PREX2: variants seen among roughly 807,000 people sequenced by gnomAD.
The protein encoded by PREX2 is phosphatidylinositol 3,4,5-trisphosphate-dependent Rac exchanger 2 protein.
PREX2 carries 107 observed loss-of-function variants against 203.2 expected under a neutral mutation model. That is an observed-to-expected ratio of 0.53 (90% confidence interval 0.45 to 0.62). The LOEUF is 0.62. Among genes scored for constraint, PREX2 ranks in the 20% least tolerant of loss-of-function variants. PREX2 has a pLI of 0.00. For synonymous variants in PREX2, 672 were observed against 663.6 expected, an observed-to-expected ratio of 1.01 and a Z score of -0.19; for missense variants, 1,777 against 1,955.9, an observed-to-expected ratio of 0.91 and a Z score of 1.72.
rs1806777478 is a variant in PREX2, at chr8:67,996,710, C to T, written c.142-21136C>T. ...TCATTTTATCTTAAAAAATATTTGCCTCTCCCAAGATCATGATATAATTTT... is the reference window on the plus strand; with the variant it reads ...TCATTTTATCTTAAAAAATATTTGCTTCTCCCAAGATCATGATATAATTTT... On this transcript the variant is annotated intron_variant, in intron 1 of 39. Coordinates refer to ENST00000288368, the MANE Select transcript of PREX2 (RefSeq NM_024870.4). Among the ~76,000 whole-genome samples the T allele has an allele frequency of 3.3e-5, 5 of 152,156 alleles. No homozygotes were observed. In the South Asian group the frequency reaches 8.3e-4, roughly 25 times the overall value.
chr8:68,204,877 T>TA (rs1812584356), intron 37 of PREX2, among the ~76,000 whole-genome samples: 1 of 151,676 alleles, frequency 6.6e-6, no homozygotes, highest in South Asian at 2.1e-4. Flanking sequence ...GAGACGGGGT[T>TA]TCACCGTGTT....
rs10581964 is a variant in PREX2, at chr8:68,231,477, CTT to C, written c.*116_*117del. 0.26 allele frequency: 119,303 copies of C among 466,458 alleles called. 6,660 individuals carry two copies. The highest frequency in any genetic ancestry group is 0.37 in the Admixed American group (7,648 of 20,932). The allele number at this position is 466,458 out of a possible 1,614,324, so 28.9% of individuals were successfully genotyped here. On this transcript the variant is annotated 3_prime_UTR_variant, in exon 40 of 40. Transcript: ENST00000288368. ...ATTCTCCACTGAAGATACATCAATG[CTT>C]TTTTTTTTTTTTTTTTCTGTAAATC...
chr8:68,017,772 G>C, intron 1 of PREX2, 74 bp from the exon 2 acceptor site: 2 of 1,271,018 alleles, frequency 1.6e-6, no homozygotes, highest in African/African-American at 3.0e-5. Flanking sequence ...AAAGAAATTA[G>C]TTTAATTCTA....
chr8:68,216,986 T>TGA (rs957650026), intron 37 of PREX2, among the ~76,000 whole-genome samples: 11 of 127,154 alleles, frequency 8.7e-5, no homozygotes, highest in South Asian at 2.7e-4. Flanking sequence ...AAAAAAAAAA[T>TGA]GAGAGAGAGA....
intron 1 of PREX2, 149 bp downstream of exon 1, chr8:67,952,684 T>C (rs552876252): frequency 4.5e-6 from 5 of 1,115,768 alleles, no homozygotes; most frequent in Admixed American, 4.3e-5. Flanking sequence ...GTGTGGACTC[T>C]GCGTTCGCGG....
intron 1 of PREX2, among the ~76,000 whole-genome samples, chr8:67,994,614 C>T (rs1205206317): frequency 6.6e-6 from 1 of 152,100 alleles, no homozygotes; most frequent in Non-Finnish European, 1.5e-5. Flanking sequence ...AAGTTATATC[C>T]TAAGAATTAA....
intron 1 of PREX2, among the ~76,000 whole-genome samples, chr8:67,954,908 C>G (rs936191110): frequency 1.8e-4 from 28 of 151,784 alleles, no homozygotes; most frequent in Admixed American, 1.8e-3. Flanking sequence ...TTTTGGGGGC[C>G]GAGGCGGGTG....
chr8:68,109,698 C>T (rs1313755629), intron 25 of PREX2, 75 bp downstream of exon 25: 2 of 1,216,676 alleles, frequency 1.6e-6, no homozygotes, highest in Non-Finnish European at 1.2e-6. Context: ...AAAATTCAAT[C>T]ATTCTCTCTT....
intron 32 of PREX2, among the ~76,000 whole-genome samples, chr8:68,135,790 A>C (rs1028969049): frequency 6.6e-6 from 1 of 152,230 alleles, no homozygotes; most frequent in South Asian, 2.1e-4. Context: ...TCCTAGCAAG[A>C]TTATTCATAG....
intron 31 of PREX2, among the ~76,000 whole-genome samples, chr8:68,133,433 A>C (rs376170529): frequency 1.3e-5 from 2 of 152,154 alleles, no homozygotes; most frequent in Non-Finnish European, 1.5e-5. Context: ...TAAAACTATA[A>C]ATATATTACT....
At chr8:68,221,746 G>A (rs535604018) in intron 38 of PREX2, among the ~76,000 whole-genome samples, 64 of 152,204 alleles carry the variant, frequency 4.2e-4, no homozygotes, top group African/African-American at 1.5e-3. Flanking sequence ...AGCATGACAG[G>A]CATCAGTTTT....
intron 23 of PREX2, chr8:68,105,378 A>G (rs1270867206): frequency 7.4e-7 from 1 of 1,359,576 alleles, no homozygotes; most frequent in African/African-American, 1.5e-5. Context: ...ACCCTTTGGA[A>G]CAGTTCAGGC....
At chr8:68,108,044 G>GA (rs1810453455) in intron 23 of PREX2, 65 bp from the exon 24 acceptor site, 16 of 1,067,988 alleles carry the variant, frequency 1.5e-5, no homozygotes, top group Non-Finnish European at 2.0e-5. Flanking sequence ...TGATGCAAGT[G>GA]AAAAAAAGAT....
At chr8:68,199,524 C>T (rs952229632) in intron 37 of PREX2, among the ~76,000 whole-genome samples, 1 of 152,070 alleles carries the variant, frequency 6.6e-6, no homozygotes, top group Non-Finnish European at 1.5e-5. Flanking sequence ...AACACAGGAC[C>T]TAAAATATGA....
intron 1 of PREX2, among the ~76,000 whole-genome samples, chr8:68,015,908 A>C (rs1190487187): frequency 2.0e-5 from 3 of 152,178 alleles, no homozygotes; most frequent in Non-Finnish European, 4.4e-5. Flanking sequence ...CAATAGACAA[A>C]TTAGATTGAT....
At chr8:68,124,625 A>G (rs889680819) in intron 30 of PREX2, among the ~76,000 whole-genome samples, 2 of 152,118 alleles carry the variant, frequency 1.3e-5, no homozygotes, top group African/African-American at 4.8e-5. Context: ...CTGCACATGT[A>G]CCCTTGAACT....
At chr8:68,174,413 A>T (rs1191581540) in intron 35 of PREX2, among the ~76,000 whole-genome samples, 1 of 152,166 alleles carries the variant, frequency 6.6e-6, no homozygotes, top group African/African-American at 2.4e-5. Flanking sequence ...GTTCTCTGTT[A>T]TGTAGATTCA....
At chr8:68,005,185 A>ATGC (rs1807057189) in intron 1 of PREX2, among the ~76,000 whole-genome samples, 1 of 152,134 alleles carries the variant, frequency 6.6e-6, no homozygotes, top group African/African-American at 2.4e-5. Context: ...GCTCGGGCCC[A>ATGC]AAATGTAGGC....
intron 25 of PREX2, among the ~76,000 whole-genome samples, chr8:68,112,780 A>G (rs1463361146): frequency 6.6e-6 from 1 of 152,114 alleles, no homozygotes; most frequent in East Asian, 1.9e-4. Context: ...GTATGTAACA[A>G]TATGTCTTGC....
Sources: allele counts gnomAD v4.1 joint callset (sites outside exome capture counted in the v4.1 genomes callset), GRCh38; gene constraint gnomAD v4.1.1; transcripts MANE v1.5; gene names NCBI Gene and HGNC (gene_info 2026-07-23, HGNC 2026-07-21).